CDH18: variants seen among roughly 807,000 people sequenced by gnomAD.
CDH18 encodes the protein cadherin-18.
In CDH18, 31 loss-of-function variants were observed where a neutral mutation model predicts 67.9. The ratio of observed to expected loss-of-function variants is 0.46; its 90% CI spans 0.34 to 0.62. The LOEUF is 0.62. Ranked by LOEUF, CDH18 falls within the 20% of genes least tolerant of loss-of-function variation. The pLI, the probability that CDH18 is intolerant of heterozygous loss-of-function variation, is 0.01. For missense variants in CDH18, 890 were observed against 975.5 expected (o/e 0.91, Z 1.17); for synonymous variants, 362 against 347.2 (o/e 1.04, Z -0.48).
intron 2 of CDH18, among the ~76,000 whole-genome samples, chr5:19,914,735 C>CT (rs1397437840): frequency 6.6e-6 from 1 of 151,918 alleles, no homozygotes; most frequent in Non-Finnish European, 1.5e-5. Flanking sequence ...ATAATACTGG[C>CT]TTTTTAGGGC....
At chr5:20,074,273 G>A (rs1444501464) in intron 2 of CDH18, among the ~76,000 whole-genome samples, 1 of 152,102 alleles carries the variant, frequency 6.6e-6, no homozygotes, top group Non-Finnish European at 1.5e-5. Context: ...CTGTGTGTAT[G>A]ATTATCATAT....
At chr5:20,034,466 CATT>C (rs1222028486) in intron 2 of CDH18, among the ~76,000 whole-genome samples, 1 of 152,012 alleles carries the variant, frequency 6.6e-6, no homozygotes, top group Non-Finnish European at 1.5e-5. Context: ...TTTGGTTAAA[CATT>C]ATTTCTAGGT....
chr5:20,574,719 T>C (rs2126680470), intron 1 of CDH18, among the ~76,000 whole-genome samples: 1 of 152,248 alleles, frequency 6.6e-6, no homozygotes, highest in Non-Finnish European at 1.5e-5. Flanking sequence ...GGATTTAATA[T>C]GCGCGAAGTT....
intron 1 of CDH18, among the ~76,000 whole-genome samples, chr5:20,436,496 C>A (rs1413523403): frequency 6.6e-6 from 1 of 151,696 alleles, no homozygotes; most frequent in Non-Finnish European, 1.5e-5. Flanking sequence ...TATAATCTGT[C>A]AGTAAAAGTA....
chr5:20,089,304 T>C (rs1745232586), intron 2 of CDH18, among the ~76,000 whole-genome samples: 1 of 152,118 alleles, frequency 6.6e-6, no homozygotes, highest in African/African-American at 2.4e-5. Context: ...ATCTGAATGG[T>C]CTTTGTAGAC....
intron 2 of CDH18, among the ~76,000 whole-genome samples, chr5:20,084,023 C>G (rs909177393): frequency 2.6e-5 from 4 of 152,114 alleles, no homozygotes; most frequent in Non-Finnish European, 5.9e-5. Flanking sequence ...GTTATGCCTT[C>G]CAGACGGTTC....
intron 1 of CDH18, among the ~76,000 whole-genome samples, chr5:20,492,168 T>C (rs992958): frequency 0.39 from 59,651 of 151,666 alleles, 13,640 homozygotes; most frequent in East Asian, 0.55. Flanking sequence ...TCATGTTAAG[T>C]AGTAACATTG....
intron 1 of CDH18, among the ~76,000 whole-genome samples, chr5:20,409,745 C>A (rs1222036072): frequency 6.6e-6 from 1 of 151,160 alleles, no homozygotes. Flanking sequence ...GTTGACATAT[C>A]CTTAGCTAGA....
chr5:19,591,913 T>C (rs1441126102), intron 6 of CDH18, among the ~76,000 whole-genome samples: 2 of 152,054 alleles, frequency 1.3e-5, no homozygotes. Context: ...TAAATAGCTA[T>C]AGAAAATTAA....
At chr5:20,305,655 G>T (rs956663460) in intron 1 of CDH18, 3 of 417,276 alleles carry the variant, frequency 7.2e-6, no homozygotes, top group African/African-American at 2.1e-5. Context: ...GGGGTGGGGG[G>T]AGCGGCGGTA....
At chr5:20,256,301 A>C (rs1744229513) in intron 1 of CDH18, among the ~76,000 whole-genome samples, 1 of 152,092 alleles carries the variant, frequency 6.6e-6, no homozygotes, top group African/African-American at 2.4e-5. Flanking sequence ...ACCCAAAAGC[A>C]GGAGCATAAG....
At chr5:19,593,563 C>G (rs1745532639) in intron 6 of CDH18, among the ~76,000 whole-genome samples, 2 of 150,760 alleles carry the variant, frequency 1.3e-5, no homozygotes. Context: ...CTCCTCCTCC[C>G]TTTCTTTCCC....
intron 1 of CDH18, among the ~76,000 whole-genome samples, chr5:20,355,857 G>A (rs1402397767): frequency 6.6e-6 from 1 of 152,128 alleles, no homozygotes; most frequent in Non-Finnish European, 1.5e-5. Flanking sequence ...ACTAATGGAA[G>A]CACAAGAGTC....
At chr5:20,539,157 C>T (rs1651443) in intron 1 of CDH18, among the ~76,000 whole-genome samples, 67,369 of 151,666 alleles carry the variant, frequency 0.44, 15,412 homozygotes, top group East Asian at 0.57. Context: ...CGAAAAAGTG[C>T]TGGTATTACA....
chr5:19,916,392 T>C (rs1222270609), intron 2 of CDH18, among the ~76,000 whole-genome samples: 1 of 152,152 alleles, frequency 6.6e-6, no homozygotes, highest in Non-Finnish European at 1.5e-5. Flanking sequence ...CAGTTCTTGC[T>C]CAATCCCCAC....
At position 19,960,651 on chromosome 5, in the gene CDH18, G is replaced by GTA. The variant is rs138405594; in HGVS notation, c.-257+20407_-257+20408dup. Among the ~76,000 whole-genome samples, 127 of 119,496 alleles carry GTA rather than the reference G, an allele frequency of 1.1e-3. 1 individual carries two copies. Among genetic ancestry groups the GTA allele is most frequent in the Admixed American group, 2.0e-3 (25 of 12,644 alleles). 78.4% of individuals were successfully genotyped at this position (119,496 alleles called of 152,430 possible). A position where few individuals can be genotyped will look rare whatever the true frequency, so the allele number is the denominator to read the frequency against. On this transcript the variant is annotated intron_variant, in intron 2 of 12. Transcript: ENST00000382275. Reference sequence around the variant, plus strand: ...CGTGTATATGTATACATATACACGTGTATATATATATACACATGTATATAT... The same window carrying GTA: ...CGTGTATATGTATACATATACACGTGTATATATATATATACACATGTATATAT...
intron 5 of CDH18, among the ~76,000 whole-genome samples, chr5:19,702,302 C>A (rs1370475054): frequency 1.3e-5 from 2 of 151,772 alleles, no homozygotes; most frequent in Non-Finnish European, 2.9e-5. Context: ...GTGCGTGCCA[C>A]CACACCTGGC....
At chr5:20,353,096 C>T (rs1741341209) in intron 1 of CDH18, among the ~76,000 whole-genome samples, 1 of 151,980 alleles carries the variant, frequency 6.6e-6, no homozygotes, top group Non-Finnish European at 1.5e-5. Flanking sequence ...TTATATACAA[C>T]AGTACTGTGA....
chr5:19,537,289 T>G (rs981410139), intron 9 of CDH18, among the ~76,000 whole-genome samples: 3 of 152,144 alleles, frequency 2.0e-5, no homozygotes, highest in African/African-American at 7.2e-5. Flanking sequence ...CAAAGTGGGA[T>G]ACAGAGTCTG....
Sources: gnomAD v4.1 joint callset for allele counts (sites outside exome capture counted in the v4.1 genomes callset) on GRCh38, gnomAD v4.1.1 for gene constraint, MANE v1.5 for transcripts, NCBI Gene and HGNC (gene_info 2026-07-23, HGNC 2026-07-21) for gene names.